The following PIEZO2 variants were observed in gnomAD, a reference collection of about 807,000 sequenced individuals.
The protein encoded by PIEZO2 is piezo-type mechanosensitive ion channel component 2.
PIEZO2 carries 172 observed loss-of-function variants against 337.3 expected under a neutral mutation model. The ratio of observed to expected loss-of-function variants is 0.51; its 90% CI spans 0.45 to 0.58. PIEZO2 has a LOEUF of 0.58. Among genes scored for constraint, PIEZO2 ranks in the 20% least tolerant of loss-of-function variants. The pLI, the probability that PIEZO2 is intolerant of heterozygous loss-of-function variation, is 0.00. For missense variants in PIEZO2, 3,028 were observed against 3,391.3 expected (o/e 0.89, Z 2.66); for synonymous variants, 1,251 against 1,228.5 (o/e 1.02, Z -0.38).
intron 4 of PIEZO2, among the ~76,000 whole-genome samples, chr18:10,875,989 A>T (rs939157740): frequency 6.6e-6 from 1 of 152,152 alleles, no homozygotes; most frequent in Non-Finnish European, 1.5e-5. Context: ...ATTAACTACT[A>T]CTCTTGGCTT....
chr18:10,763,158 C>A, intron 21 of PIEZO2, 60 bp from the exon 22 acceptor site: 2 of 1,478,888 alleles, frequency 1.4e-6, no homozygotes, highest in South Asian at 1.3e-5. Context: ...ACAAACAGGA[C>A]AGCCACAAAA....
chr18:11,022,785 G>C (rs2036361846), intron 2 of PIEZO2, among the ~76,000 whole-genome samples: 1 of 152,180 alleles, frequency 6.6e-6, no homozygotes, highest in Non-Finnish European at 1.5e-5. Context: ...GTCCAGAATT[G>C]GTGGGTTCTT....
chr18:10,865,438 G>A (rs2041980565), intron 5 of PIEZO2, among the ~76,000 whole-genome samples: 1 of 152,154 alleles, frequency 6.6e-6, no homozygotes, highest in Admixed American at 6.5e-5. Context: ...GTGGCAGTGA[G>A]TAGAGAAAAG....
Position 10,714,833 on chromosome 18 carries a change from G to C in PIEZO2, c.5354C>G (p.Pro1785Arg), listed in dbSNP as rs2143874276. The C allele has an allele frequency of 6.5e-7, 1 of 1,537,206 alleles. No homozygotes were observed. The highest frequency in any genetic ancestry group is 2.4e-5 in the East Asian group (1 of 40,922). The change falls in exon 39 of 56, where the codon CCC becomes CGC. Residue 1785 changes from proline (P) to arginine (R), a missense_variant. Pro to Arg is a moderately radical substitution (Grantham distance 103). This residue lies in a region of PIEZO2 where 1,925 missense variants were observed against 2,051.9 expected (regional missense o/e 0.94). Coordinates refer to ENST00000674853, the MANE Select transcript of PIEZO2 (RefSeq NM_001378183.1). ...TGTCTGTGCACCTGAAGCAGCTCCG[G>C]GATGCTCGTCAATGGTGTCCAGTCC... ...ESGLDTIDEH[P>R]GAASGAQTAH...
intron 3 of PIEZO2, among the ~76,000 whole-genome samples, chr18:10,965,904 G>A (rs1215768427): frequency 6.6e-6 from 1 of 152,054 alleles, no homozygotes; most frequent in Non-Finnish European, 1.5e-5. Flanking sequence ...GGAAATATAA[G>A]GTCCATGAGG....
In PIEZO2 at chr18:10,982,546, T is replaced by A. The variant is rs11872432; in HGVS notation, c.161-2886A>T. Among the ~76,000 whole-genome samples the A allele has an allele frequency of 0.021, 3,202 of 152,270 alleles. 123 individuals are homozygous for A. Among genetic ancestry groups the A allele is most frequent in the African/African-American group, 0.072 (3,001 of 41,538 alleles). On this transcript the variant is annotated intron_variant, in intron 2 of 55. Transcript: ENST00000674853. The surrounding 1 kb of genome is among the most constrained non-coding windows in gnomAD (Gnocchi z 4.1). ...ACTTTTACACCTTTGACAAGTATATTTCAAAATATGTAAGAAAAGAATGCT... is the reference window on the plus strand; with the variant it reads ...ACTTTTACACCTTTGACAAGTATATATCAAAATATGTAAGAAAAGAATGCT...
intron 2 of PIEZO2, among the ~76,000 whole-genome samples, chr18:10,998,794 T>A (rs2035426975): frequency 6.6e-6 from 1 of 151,908 alleles, no homozygotes; most frequent in African/African-American, 2.4e-5. Context: ...AGTAGAGTTT[T>A]TAAACAAATT....
At chr18:10,989,343 C>A in intron 2 of PIEZO2, among the ~76,000 whole-genome samples, 1 of 151,816 alleles carries the variant, frequency 6.6e-6, no homozygotes, top group Non-Finnish European at 1.5e-5. Flanking sequence ...TACTGGATCC[C>A]TGCCACAAAA....
chr18:10,742,233 T>C (rs1369216677), intron 32 of PIEZO2, among the ~76,000 whole-genome samples: 1 of 152,196 alleles, frequency 6.6e-6, no homozygotes, highest in Non-Finnish European at 1.5e-5. Context: ...CAGATGTCTG[T>C]GGAACAAAAG....
rs188936414 is a variant in PIEZO2, at chr18:10,914,174, C to T, written c.287-2946G>A. 3.0e-4 allele frequency among the ~76,000 whole-genome samples: 46 copies of T among 152,060 alleles called. 1 individual carries two copies. In the South Asian group the frequency reaches 3.1e-3, roughly 10 times the overall value. On this transcript the variant is annotated intron_variant, in intron 3 of 55. Coordinates refer to ENST00000674853, the MANE Select transcript of PIEZO2 (RefSeq NM_001378183.1). ...TCACTTTCGCCAAAGCAGTCCAACA[C>T]GGGGAAAGTAGAGAAAACAAAAGTA... is the stretch of plus-strand genomic sequence containing the variant.
At chr18:10,800,594 A>T (rs2039777426) in intron 10 of PIEZO2, 119 bp from the exon 11 acceptor site, 2 of 1,230,772 alleles carry the variant, frequency 1.6e-6, no homozygotes, top group Non-Finnish European at 2.1e-6. Context: ...TTACAAGCTG[A>T]ATAACTTAGC....
At position 10,774,005 on chromosome 18, in the gene PIEZO2, C is replaced by T. The variant is rs1449685447; in HGVS notation, c.2567+1G>A. The T allele has an allele frequency of 1.4e-6, 1 of 702,946 alleles. No individual in the cohort carries two copies. Among genetic ancestry groups the T allele is most frequent in the Non-Finnish European group, 2.6e-6 (1 of 385,020 alleles). 43.5% of individuals were successfully genotyped at this position (702,946 alleles called of 1,614,324 possible). On this transcript the variant is annotated splice_donor_variant, in intron 19 of 55. Coordinates refer to ENST00000674853, the MANE Select transcript of PIEZO2 (RefSeq NM_001378183.1). LOFTEE classifies it high-confidence loss of function. ...TTTCATGGCTTCACAGGGGGACTTA[C>T]TCATTTTGGTGGATTGGTAATTTTT... is the stretch of plus-strand genomic sequence containing the variant.
intron 3 of PIEZO2, among the ~76,000 whole-genome samples, chr18:10,947,994 C>T (rs1295090549): frequency 6.6e-6 from 1 of 151,448 alleles, no homozygotes; most frequent in African/African-American, 2.4e-5. Flanking sequence ...GCACACATTA[C>T]AAAAGAAGAA....
chr18:10,785,570 C>T (rs1293745878), intron 16 of PIEZO2, among the ~76,000 whole-genome samples: 1 of 152,186 alleles, frequency 6.6e-6, no homozygotes, highest in African/African-American at 2.4e-5. Context: ...TCCCTCTCCC[C>T]ACTCTAGTAT....
intron 1 of PIEZO2, among the ~76,000 whole-genome samples, chr18:11,067,798 C>G (rs546629509): frequency 2.0e-5 from 3 of 152,172 alleles, no homozygotes; most frequent in Non-Finnish European, 4.4e-5. Flanking sequence ...TACAAATGGA[C>G]AGATTATCCA....
chr18:10,825,732 G>T (rs1441078684), intron 7 of PIEZO2, among the ~76,000 whole-genome samples: 1 of 151,210 alleles, frequency 6.6e-6, no homozygotes. Flanking sequence ...TGTATTTTTA[G>T]TAGAGATGGG....
rs1353679446 is a variant in PIEZO2, at chr18:10,752,578, T to A, written c.4167+58A>T. ...CACTGGGCTTTTAATAACCACTGAG[T>A]GGACTGTTTACTCTTACACGAAAAC... On this transcript the variant is annotated intron_variant, in intron 28 of 55. Coordinates refer to ENST00000674853, the MANE Select transcript of PIEZO2 (RefSeq NM_001378183.1). The A allele has an allele frequency of 2.7e-6, 4 of 1,504,160 alleles. No individual in the cohort carries two copies. In the African/African-American group the frequency reaches 5.5e-5, roughly 21 times the overall value. The allele number at this position is 1,504,160 out of a possible 1,614,324, so 93.2% of individuals were successfully genotyped here. A position where few individuals can be genotyped will look rare whatever the true frequency, so the allele number is the denominator to read the frequency against.
chr18:10,888,449 C>G lies in PIEZO2; in HGVS notation c.330-17034G>C, dbSNP rs1401917286. Among the ~76,000 whole-genome samples the G allele has an allele frequency of 6.6e-6, 1 of 152,130 alleles. No individual in the cohort carries two copies. The highest frequency in any genetic ancestry group is 1.5e-5 in the Non-Finnish European group (1 of 68,032). On this transcript the variant is annotated intron_variant, in intron 4 of 55. Transcript: ENST00000674853. The surrounding 1 kb of genome is among the most constrained non-coding windows in gnomAD (Gnocchi z 4.1). The stretch of plus-strand genomic sequence containing the variant: ...CTGGGCTCCATTCCTTCAGAAAGCC[C>G]TATTTTCTTTTTGTGCACCCTGGTA...
intron 47 of PIEZO2, among the ~76,000 whole-genome samples, chr18:10,693,534 A>AC (rs139057017): frequency 6.8e-6 from 1 of 146,470 alleles, no homozygotes; most frequent in Non-Finnish European, 1.5e-5. Flanking sequence ...CACATAAGGC[A>AC]TTTTTTTTTT....
Sources: gnomAD v4.1 joint callset for allele counts (sites outside exome capture counted in the v4.1 genomes callset) on GRCh38, gnomAD v4.1.1 for gene constraint, gnomAD v4.1.1 regional missense constraint, Gnocchi (gnomAD v3.1) non-coding constraint, MANE v1.5 for transcripts, NCBI Gene and HGNC (gene_info 2026-07-23, HGNC 2026-07-21) for gene names.